PRICKLE2: variants seen among roughly 807,000 people sequenced by gnomAD.
PRICKLE2 encodes prickle-like protein 2.
A neutral mutation model predicts 81.4 loss-of-function variants in PRICKLE2; 21 were observed. That is an observed-to-expected ratio of 0.26 (90% CI 0.18 to 0.37). The LOEUF is 0.37. Among genes scored for constraint, PRICKLE2 ranks in the 10% least tolerant of loss-of-function variants. PRICKLE2 has a pLI of 1.00. For synonymous variants in PRICKLE2, 456 were observed against 421.5 expected, an observed-to-expected ratio of 1.08 and a Z score of -1.00; for missense variants, 940 against 1,109.0, an observed-to-expected ratio of 0.85 and a Z score of 2.16.
At chr3:64,115,242 A>T (rs2076916092) in intron 7 of PRICKLE2, among the ~76,000 whole-genome samples, 1 of 152,232 alleles carries the variant, frequency 6.6e-6, no homozygotes, top group Admixed American at 6.5e-5. Context: ...GCCTCTGTAA[A>T]AACACACTGA....
At chr3:64,120,430 G>GA (rs2077007100) in intron 7 of PRICKLE2, among the ~76,000 whole-genome samples, 1 of 152,114 alleles carries the variant, frequency 6.6e-6, no homozygotes, top group East Asian at 1.9e-4. Flanking sequence ...ACTGAAAACA[G>GA]AAAAAAGATG....
At chr3:64,163,691 A>C (rs2077772128) in intron 2 of PRICKLE2, 1 of 166,768 alleles carries the variant, frequency 6.0e-6, no homozygotes, top group Non-Finnish European at 1.3e-5. Context: ...GATGCAGAGC[A>C]TGTAATTAAA....
At chr3:64,255,963 T>C (rs1272157851) in intron 2 of PRICKLE2, among the ~76,000 whole-genome samples, 1 of 152,156 alleles carries the variant, frequency 6.6e-6, no homozygotes, top group Admixed American at 6.5e-5. Flanking sequence ...AAGGGAGCCA[T>C]ATGCCGAGGT....
chr3:64,141,982 G>T, intron 7 of PRICKLE2: 1 of 973,520 alleles, frequency 1.0e-6, no homozygotes, highest in Non-Finnish European at 1.2e-6. Context: ...AGATAGTTTA[G>T]AATGCTATTA....
chr3:64,145,941 C>T (rs1423384677), intron 7 of PRICKLE2: 1 of 152,126 alleles, frequency 6.6e-6, no homozygotes, highest in East Asian at 1.9e-4. Context: ...GGCCCCTTCT[C>T]CTAATGCCAT....
intron 2 of PRICKLE2, among the ~76,000 whole-genome samples, chr3:64,258,208 T>G (rs2079556525): frequency 6.6e-6 from 1 of 152,118 alleles, no homozygotes; most frequent in African/African-American, 2.4e-5. Flanking sequence ...GGAAGACATC[T>G]TGGATGAAAG....
chr3:64,191,559 T>C (rs962664893), intron 2 of PRICKLE2, among the ~76,000 whole-genome samples: 3 of 152,234 alleles, frequency 2.0e-5, no homozygotes, highest in African/African-American at 7.2e-5. Flanking sequence ...TTACTCACCC[T>C]ACGGTGAAGA....
intron 2 of PRICKLE2, among the ~76,000 whole-genome samples, chr3:64,175,326 C>G (rs909661863): frequency 1.3e-5 from 2 of 152,214 alleles, no homozygotes; most frequent in African/African-American, 2.4e-5. Context: ...TTTTTTTAAA[C>G]ATGGTTAGTT....
At chr3:64,231,279 A>G (rs2107160812) in intron 2 of PRICKLE2, among the ~76,000 whole-genome samples, 1 of 152,330 alleles carries the variant, frequency 6.6e-6, no homozygotes, top group East Asian at 1.9e-4. Flanking sequence ...CCACAAAAAC[A>G]TTAAAGATTG....
chr3:64,187,083 G>A (rs2107090952), intron 2 of PRICKLE2, among the ~76,000 whole-genome samples: 1 of 152,294 alleles, frequency 6.6e-6, no homozygotes, highest in South Asian at 2.1e-4. Context: ...GGCCTTTCTA[G>A]GCCTCATAAT....
chr3:64,121,717 C>G (rs2077031027), intron 7 of PRICKLE2, among the ~76,000 whole-genome samples: 1 of 152,144 alleles, frequency 6.6e-6, no homozygotes, highest in South Asian at 2.1e-4. Context: ...TCTTGCCGCC[C>G]CCTAGTCCCA....
chr3:64,245,408 G>C (rs1231386468), intron 2 of PRICKLE2, among the ~76,000 whole-genome samples: 1 of 152,078 alleles, frequency 6.6e-6, no homozygotes, highest in Non-Finnish European at 1.5e-5. Flanking sequence ...TCACCTCTCA[G>C]TCTCATCTTT....
At chr3:64,156,548 G>A (rs2077637992) in intron 5 of PRICKLE2, among the ~76,000 whole-genome samples, 1 of 152,156 alleles carries the variant, frequency 6.6e-6, no homozygotes, top group Non-Finnish European at 1.5e-5. Flanking sequence ...GGTAGGGTGT[G>A]CTTCTAGTAG....
chr3:64,207,950 G>A (rs914406076), intron 1 of PRICKLE2, among the ~76,000 whole-genome samples: 3 of 152,148 alleles, frequency 2.0e-5, no homozygotes, highest in Admixed American at 6.5e-5. Flanking sequence ...GCTGGGCAGC[G>A]GCCTGACTTA....
At chr3:64,109,650 G>T (rs928088134) in intron 7 of PRICKLE2, among the ~76,000 whole-genome samples, 1 of 152,158 alleles carries the variant, frequency 6.6e-6, no homozygotes, top group Non-Finnish European at 1.5e-5. Flanking sequence ...CCCAGGCTTG[G>T]CCTGCCTTCC....
intron 7 of PRICKLE2, among the ~76,000 whole-genome samples, chr3:64,127,569 C>CT (rs2077128695): frequency 6.6e-6 from 1 of 152,092 alleles, no homozygotes; most frequent in Non-Finnish European, 1.5e-5. Flanking sequence ...GGGGGCTGCC[C>CT]TGATCACACA....
intron 2 of PRICKLE2, among the ~76,000 whole-genome samples, chr3:64,257,886 A>G (rs985348553): frequency 6.6e-6 from 1 of 152,158 alleles, no homozygotes; most frequent in African/African-American, 2.4e-5. Flanking sequence ...ATGAGGATAG[A>G]GCCCTCATGA....
chr3:64,168,033 T>C (rs17070038), intron 2 of PRICKLE2, among the ~76,000 whole-genome samples: 17,418 of 152,196 alleles, frequency 0.11, 1,249 homozygotes, highest in East Asian at 0.22. Context: ...AGAGAACTTG[T>C]TGGACCTCAC....
rs1197129541 is a variant in PRICKLE2, at chr3:64,225,300, T to C, written c.-431A>G. Reference sequence around the variant, plus strand: ...CATGACAATCTGAAGGAAGAAGTCATAGACTCCAGCCCAGCGTCACCAGCT... The same window carrying C: ...CATGACAATCTGAAGGAAGAAGTCACAGACTCCAGCCCAGCGTCACCAGCT... On this transcript the variant is annotated 5_prime_UTR_variant, in exon 1 of 8. The change abolishes an upstream ATG in the 5' untranslated region. Transcript: ENST00000638394. The C allele has an allele frequency of 7.1e-6, 7 of 985,336 alleles. No individual in the cohort carries two copies. The Admixed American group carries it at 3.1e-4, about 43-fold the overall frequency. The allele number at this position is 985,336 out of a possible 1,614,324, so 61.0% of individuals were successfully genotyped here. A position where few individuals can be genotyped will look rare whatever the true frequency, so the allele number is the denominator to read the frequency against.
Sources: gnomAD v4.1 joint callset for allele counts (sites outside exome capture counted in the v4.1 genomes callset) on GRCh38, gnomAD v4.1.1 for gene constraint, MANE v1.5 for transcripts, NCBI Gene and HGNC (gene_info 2026-07-23, HGNC 2026-07-21) for gene names.